The following SGF29 variants were observed in gnomAD, a reference collection of about 807,000 sequenced individuals.
SGF29 encodes the protein SAGA complex associated factor 29.
In SGF29, 15 loss-of-function variants were observed where a neutral mutation model predicts 38.1. The ratio of observed to expected loss-of-function variants is 0.39; its 90% CI spans 0.26 to 0.61. The LOEUF is 0.61. Ranked by LOEUF, SGF29 falls within the 20% of genes least tolerant of loss-of-function variation. SGF29 has a pLI of 0.49. For synonymous variants in SGF29, 151 were observed against 160.8 expected (o/e 0.94, Z 0.46); for missense variants, 184 against 394.6 (o/e 0.47, Z 4.52).
chr16:28,574,240 T>G (rs1368269027), intron 1 of SGF29, among the ~76,000 whole-genome samples: 1 of 152,166 alleles, frequency 6.6e-6, no homozygotes, highest in Non-Finnish European at 1.5e-5. Context: ...AGTGCGGTGT[T>G]TAACCTTGAT....
At chr16:28,577,780 C>A (rs746011239) in intron 1 of SGF29, among the ~76,000 whole-genome samples, 14 of 152,256 alleles carry the variant, frequency 9.2e-5, no homozygotes, top group Non-Finnish European at 2.1e-4. Flanking sequence ...GGAGAACTGT[C>A]TATTCAGATC....
intron 1 of SGF29, among the ~76,000 whole-genome samples, chr16:28,572,622 T>C (rs898497972): frequency 6.6e-6 from 1 of 152,276 alleles, no homozygotes; most frequent in South Asian, 2.1e-4. Flanking sequence ...CTAGGAAGAA[T>C]CAAGCAAGAG....
intron 2 of SGF29, 90 bp downstream of exon 2, chr16:28,581,234 T>C: frequency 8.0e-7 from 1 of 1,243,646 alleles, no homozygotes; most frequent in Non-Finnish European, 1.2e-6. Context: ...TTCAGAGAGA[T>C]TGGACTCGCA....
chr16:28,588,329 G>A (rs1365055952), intron 4 of SGF29, among the ~76,000 whole-genome samples: 1 of 152,040 alleles, frequency 6.6e-6, no homozygotes, highest in Non-Finnish European at 1.5e-5. Flanking sequence ...TTCTGCTCTG[G>A]GCCAGCACCT....
intron 2 of SGF29, 39 bp from the exon 3 acceptor site, chr16:28,584,874 A>T (rs376023314): frequency 4.5e-6 from 7 of 1,538,510 alleles, no homozygotes; most frequent in Non-Finnish European, 6.3e-6. Context: ...CAGCAGCACA[A>T]AGGGCCACCG....
chr16:28,556,029 T>C (rs1441582158), intron 1 of SGF29, among the ~76,000 whole-genome samples: 1 of 152,208 alleles, frequency 6.6e-6, no homozygotes, highest in African/African-American at 2.4e-5. Flanking sequence ...TCACTATACT[T>C]ACTATTCTGT....
At chr16:28,573,021 C>A (rs1199314776) in intron 1 of SGF29, among the ~76,000 whole-genome samples, 1 of 152,176 alleles carries the variant, frequency 6.6e-6, no homozygotes, top group Admixed American at 6.5e-5. Flanking sequence ...TTTGCCTCCC[C>A]CTCCTGTGTG....
chr16:28,554,146 C>G lies in SGF29; in HGVS notation c.-16+49C>G, dbSNP rs987334006. On this transcript the variant is annotated intron_variant, in intron 1 of 9. Transcript: ENST00000317058. ...TGAGACCTCCGGCGAAACGCGGGAG[C>G]GAAGGGCTGAGTCCTCCCTCCGCGC... 6 of 152,302 alleles carry G rather than the reference C, an allele frequency of 3.9e-5. No homozygotes were observed. The East Asian group carries it at 1.1e-3, about 29-fold the overall frequency. The allele number at this position is 152,302 out of a possible 1,614,324, so 9.4% of individuals were successfully genotyped here.
In SGF29 at chr16:28,577,377, C is replaced by T. The variant is rs192566276; in HGVS notation, c.-15-3678C>T. On this transcript the variant is annotated intron_variant, in intron 1 of 9. Transcript: ENST00000317058. The stretch of plus-strand genomic sequence containing the variant: ...AAAAAAAAAAACAAAAAAACCCATA[C>T]TCATTAATAGTCGCTGTCCTTTCTC... 1.2e-3 allele frequency among the ~76,000 whole-genome samples: 187 copies of T among 151,696 alleles called. 2 individuals are homozygous for T. Among genetic ancestry groups the T allele is most frequent in the Admixed American group, 5.7e-3 (87 of 15,248 alleles).
intron 1 of SGF29, among the ~76,000 whole-genome samples, chr16:28,558,304 T>TG (rs2046765564): frequency 6.7e-6 from 1 of 149,392 alleles, no homozygotes; most frequent in African/African-American, 2.5e-5. Flanking sequence ...TTAGTAGAGA[T>TG]GGGGTTTCAC....
intron 1 of SGF29, among the ~76,000 whole-genome samples, chr16:28,554,687 G>C (rs574430979): frequency 6.6e-6 from 1 of 152,122 alleles, no homozygotes; most frequent in East Asian, 1.9e-4. Context: ...CCTCGGCTCC[G>C]GTTTGCAGCC....
At chr16:28,562,131 G>T (rs901752532) in intron 1 of SGF29, among the ~76,000 whole-genome samples, 9 of 152,196 alleles carry the variant, frequency 5.9e-5, no homozygotes, top group African/African-American at 2.2e-4. Flanking sequence ...GCAAGCGTCA[G>T]CATTTCTTTT....
intron 4 of SGF29, among the ~76,000 whole-genome samples, chr16:28,587,381 C>A (rs2046961294): frequency 6.6e-6 from 1 of 152,234 alleles, no homozygotes; most frequent in Admixed American, 6.5e-5. Context: ...CCACACAGGC[C>A]TGGCAACAGT....
intron 1 of SGF29, among the ~76,000 whole-genome samples, chr16:28,564,770 TATGTATATATATATATACACAC>T (rs2046825603): frequency 1.5e-4 from 6 of 40,100 alleles, no homozygotes; most frequent in South Asian, 7.8e-4. Context: ...TATGTATATA[TATGTATATATATATATACACAC>T]ACACACACAC....
At chr16:28,564,546 T>C (rs1362141045) in intron 1 of SGF29, among the ~76,000 whole-genome samples, 3 of 92,212 alleles carry the variant, frequency 3.3e-5, no homozygotes, top group South Asian at 5.5e-4. Context: ...TATGTATATA[T>C]ATACGTATAT....
intron 1 of SGF29, among the ~76,000 whole-genome samples, chr16:28,575,295 T>C (rs887328578): frequency 1.3e-5 from 2 of 152,208 alleles, no homozygotes; most frequent in Admixed American, 1.3e-4. Context: ...GTGTCGTACA[T>C]GTGGGACAAC....
At chr16:28,579,579 A>C (rs1246993105) in intron 1 of SGF29, among the ~76,000 whole-genome samples, 1 of 151,354 alleles carries the variant, frequency 6.6e-6, no homozygotes, top group African/African-American at 2.4e-5. Context: ...ATTGTACAGA[A>C]GCATTTTATT....
At chr16:28,579,440 T>C (rs1455793046) in intron 1 of SGF29, among the ~76,000 whole-genome samples, 7 of 150,796 alleles carry the variant, frequency 4.6e-5, no homozygotes, top group Non-Finnish European at 1.0e-4. Flanking sequence ...GTATTTTTAG[T>C]AGAGACAAGG....
chr16:28,568,313 CAAAAAA>C (rs148414167), intron 1 of SGF29, among the ~76,000 whole-genome samples: 2 of 54,292 alleles, frequency 3.7e-5, no homozygotes, highest in East Asian at 6.5e-4. Flanking sequence ...AACTCCATCT[CAAAAAA>C]AAAAAAAAAA....
Sources: allele counts gnomAD v4.1 joint callset (sites outside exome capture counted in the v4.1 genomes callset), GRCh38; gene constraint gnomAD v4.1.1; transcripts MANE v1.5; gene names NCBI Gene and HGNC (gene_info 2026-07-23, HGNC 2026-07-21).